The following CA10 variants were observed in gnomAD, a reference collection of about 807,000 sequenced individuals.
CA10 encodes carbonic anhydrase-related protein 10.
CA10 carries 14 observed loss-of-function variants against 44.2 expected under a neutral mutation model. The ratio of observed to expected loss-of-function variants is 0.32; its 90% CI spans 0.21 to 0.50. The LOEUF is 0.50. Ranked by LOEUF, CA10 falls within the 20% of genes least tolerant of loss-of-function variation. The pLI is 0.99. For synonymous variants in CA10, 159 were observed against 141.6 expected (o/e 1.12, Z -0.87); for missense variants, 350 against 409.7 (o/e 0.85, Z 1.26).
intron 7 of CA10, among the ~76,000 whole-genome samples, chr17:51,634,527 G>GTAA (rs1179083232): frequency 6.6e-6 from 1 of 152,090 alleles, no homozygotes; most frequent in Non-Finnish European, 1.5e-5. Context: ...GCAAACTCAT[G>GTAA]TAATTTATCC....
At chr17:51,960,122 AC>A (rs1327799000) in intron 2 of CA10, among the ~76,000 whole-genome samples, 1 of 151,996 alleles carries the variant, frequency 6.6e-6, no homozygotes, top group Non-Finnish European at 1.5e-5. Context: ...ATAAAAAATA[AC>A]TAAAAAATAA....
chr17:51,987,421 C>A (rs1432337364), intron 2 of CA10, among the ~76,000 whole-genome samples: 2 of 151,906 alleles, frequency 1.3e-5, no homozygotes, highest in Non-Finnish European at 2.9e-5. Flanking sequence ...AAATAGGGTG[C>A]AGTGTACACT....
intron 2 of CA10, among the ~76,000 whole-genome samples, chr17:51,987,112 C>A (rs1445112726): frequency 6.6e-6 from 1 of 152,014 alleles, no homozygotes; most frequent in Admixed American, 6.6e-5. Flanking sequence ...ACCCAAATGC[C>A]CATCAATCAA....
intron 1 of CA10, among the ~76,000 whole-genome samples, chr17:52,079,503 A>C (rs989391185): frequency 1.3e-5 from 2 of 152,176 alleles, no homozygotes. Context: ...CTTAGTACAT[A>C]ATAAGTGCCA....
intron 1 of CA10, among the ~76,000 whole-genome samples, chr17:52,127,067 A>T (rs1264852619): frequency 6.6e-6 from 1 of 152,204 alleles, no homozygotes; most frequent in African/African-American, 2.4e-5. Flanking sequence ...AAAAGGCTCA[A>T]GTTCCTTTTA....
intron 4 of CA10, among the ~76,000 whole-genome samples, chr17:51,671,479 A>T (rs953695262): frequency 3.9e-5 from 6 of 151,968 alleles, no homozygotes. Context: ...ATCTTGGCTC[A>T]CTGCAAGCTC....
At chr17:51,888,180 T>TA (rs923568411) in intron 3 of CA10, among the ~76,000 whole-genome samples, 23 of 150,832 alleles carry the variant, frequency 1.5e-4, no homozygotes, top group Middle Eastern at 3.4e-3. Context: ...TATTGATTTT[T>TA]AAAAAAAAGG....
chr17:51,640,248 C>T (rs1305491447), intron 6 of CA10, among the ~76,000 whole-genome samples: 1 of 152,164 alleles, frequency 6.6e-6, no homozygotes, highest in Non-Finnish European at 1.5e-5. Context: ...AGCAGCTCTA[C>T]CTGCTGGCAG....
chr17:51,757,274 C>T (rs770661865), intron 3 of CA10, among the ~76,000 whole-genome samples: 15 of 151,892 alleles, frequency 9.9e-5, no homozygotes, highest in Non-Finnish European at 1.8e-4. Flanking sequence ...GAAGCATCGA[C>T]GCAAGAAAAA....
At chr17:52,044,116 T>C (rs937713280) in intron 2 of CA10, among the ~76,000 whole-genome samples, 5 of 152,112 alleles carry the variant, frequency 3.3e-5, no homozygotes, top group Middle Eastern at 3.2e-3. Flanking sequence ...ATCAAAGTGT[T>C]TGACAAGGAC....
intron 2 of CA10, among the ~76,000 whole-genome samples, chr17:51,950,787 T>A (rs142488312): frequency 1.3e-5 from 2 of 152,274 alleles, no homozygotes; most frequent in African/African-American, 4.8e-5. Flanking sequence ...ATACAGCACT[T>A]ATCACCAATA....
At chr17:51,846,006 C>G (rs1978477947) in intron 3 of CA10, among the ~76,000 whole-genome samples, 1 of 152,224 alleles carries the variant, frequency 6.6e-6, no homozygotes, top group Non-Finnish European at 1.5e-5. Flanking sequence ...TCTCTGGTCT[C>G]CCTGATCCCT....
chr17:52,082,871 T>C (rs1333531919), intron 1 of CA10, among the ~76,000 whole-genome samples: 2 of 152,232 alleles, frequency 1.3e-5, no homozygotes, highest in Non-Finnish European at 2.9e-5. Flanking sequence ...ATCTATTCCA[T>C]ATTTTTACTA....
intron 3 of CA10, among the ~76,000 whole-genome samples, chr17:51,912,275 T>C (rs1038794700): frequency 4.6e-5 from 7 of 152,326 alleles, no homozygotes; most frequent in Middle Eastern, 6.8e-3. Context: ...CTAGGCACAG[T>C]AATGGGAGCA....
chr17:51,667,029 G>A (rs1035900412), intron 4 of CA10, among the ~76,000 whole-genome samples: 8 of 152,182 alleles, frequency 5.3e-5, no homozygotes, highest in South Asian at 2.1e-4. Context: ...AAGTATAAAA[G>A]CAATGATTCA....
At chr17:51,957,107 T>C (rs1277931219) in intron 2 of CA10, among the ~76,000 whole-genome samples, 1 of 152,200 alleles carries the variant, frequency 6.6e-6, no homozygotes, top group East Asian at 1.9e-4. Flanking sequence ...TTTTAAAATA[T>C]GCCTATAAAT....
intron 2 of CA10, among the ~76,000 whole-genome samples, chr17:52,012,991 C>T (rs920833012): frequency 2.0e-5 from 3 of 151,932 alleles, no homozygotes; most frequent in African/African-American, 4.8e-5. Flanking sequence ...CCAAGGTGTA[C>T]ATATAGACAT....
intron 2 of CA10, among the ~76,000 whole-genome samples, chr17:51,975,896 A>AAG (rs1454417278): frequency 4.0e-5 from 6 of 148,226 alleles, no homozygotes; most frequent in African/African-American, 1.5e-4. Context: ...AAAAAAAAGC[A>AAG]AGAGTCAACT....
chr17:51,784,757 C>CACT (rs1265113126), intron 3 of CA10, among the ~76,000 whole-genome samples: 1 of 152,218 alleles, frequency 6.6e-6, no homozygotes, highest in African/African-American at 2.4e-5. Flanking sequence ...TCCCCTCAAG[C>CACT]ACTTATCTTT....
Sources: allele counts gnomAD v4.1 joint callset (sites outside exome capture counted in the v4.1 genomes callset), GRCh38; gene constraint gnomAD v4.1.1; transcripts MANE v1.5; gene names NCBI Gene and HGNC (gene_info 2026-07-23, HGNC 2026-07-21).